Variants in CPNE4 observed in about 807,000 individuals in gnomAD.
CPNE4 encodes the protein copine 4, also known as copine-4.
CPNE4 carries 25 observed loss-of-function variants against 67.9 expected under a neutral mutation model. The observed-to-expected ratio is 0.37, with a 90% CI of 0.27 to 0.51. The LOEUF is 0.51. Among genes scored for constraint, CPNE4 ranks in the 20% least tolerant of loss-of-function variants. CPNE4 has a pLI of 0.93. For synonymous variants in CPNE4, 242 were observed against 244.9 expected (o/e 0.99, Z 0.11); for missense variants, 464 against 690.8 (o/e 0.67, Z 3.68).
At chr3:131,970,901 C>A (rs2072482559) in intron 1 of CPNE4, among the ~76,000 whole-genome samples, 1 of 152,200 alleles carries the variant, frequency 6.6e-6, no homozygotes, top group Non-Finnish European at 1.5e-5. Flanking sequence ...TGCTGCCTAA[C>A]AAACTGCCCC....
Position 131,906,482 on chromosome 3 carries a change from C to T in CPNE4, c.-1-1038G>A, listed in dbSNP as rs183038620. 1.8e-3 allele frequency among the ~76,000 whole-genome samples: 265 copies of T among 147,430 alleles called. 1 individual carries two copies. The highest frequency in any genetic ancestry group is 6.3e-3 in the African/African-American group (253 of 39,952). On this transcript the variant is annotated intron_variant, in intron 1 of 15. Coordinates refer to ENST00000429747, the MANE Select transcript of CPNE4 (RefSeq NM_130808.3). ...ATGTGTTCTCATTGTTCAGTTCCCA[C>T]CTGAGTGAGAACACGCGGTGTTTGG...
intron 1 of CPNE4, among the ~76,000 whole-genome samples, chr3:132,015,198 G>A (rs961391531): frequency 6.6e-6 from 1 of 151,612 alleles, no homozygotes; most frequent in South Asian, 2.1e-4. Flanking sequence ...CACATCTCTG[G>A]GCTTAGGTTT....
chr3:131,960,348 G>A (rs151083574), intron 1 of CPNE4, among the ~76,000 whole-genome samples: 72 of 152,172 alleles, frequency 4.7e-4, no homozygotes, highest in African/African-American at 1.5e-3. Context: ...AAAGAATATA[G>A]GCTATTACAG....
Position 131,651,896 on chromosome 3 carries a change from A to T in CPNE4, c.681+17779T>A, listed in dbSNP as rs116751212. 1.2e-3 allele frequency among the ~76,000 whole-genome samples: 190 copies of T among 152,228 alleles called. 2 individuals carry two copies. The highest frequency in any genetic ancestry group is 4.5e-3 in the African/African-American group (186 of 41,540). ...TCTCAGTTTTTTTCACTGGGATGAT[A>T]AAGTTGTTGGAATACCTTGAGGTCT... On this transcript the variant is annotated intron_variant, in intron 7 of 15. Transcript: ENST00000429747.
intron 1 of CPNE4, among the ~76,000 whole-genome samples, chr3:131,991,600 T>C (rs1369639482): frequency 1.5e-5 from 2 of 135,860 alleles, no homozygotes; most frequent in African/African-American, 2.5e-5. Flanking sequence ...GTTTGGAAGA[T>C]TTGCAACCTG....
At chr3:131,921,654 A>G (rs962410895) in intron 1 of CPNE4, among the ~76,000 whole-genome samples, 5 of 152,222 alleles carry the variant, frequency 3.3e-5, no homozygotes, top group Non-Finnish European at 7.3e-5. Context: ...CATCTGCAGA[A>G]TAGAACTAAT....
intron 1 of CPNE4, among the ~76,000 whole-genome samples, chr3:131,967,101 A>T (rs2072372243): frequency 6.6e-6 from 1 of 152,238 alleles, no homozygotes; most frequent in Non-Finnish European, 1.5e-5. Context: ...TCCATCACAT[A>T]AATAGAACCA....
At chr3:131,887,615 T>C (rs2087947440) in intron 2 of CPNE4, among the ~76,000 whole-genome samples, 1 of 152,236 alleles carries the variant, frequency 6.6e-6, no homozygotes, top group Non-Finnish European at 1.5e-5. Context: ...GACTTCACTT[T>C]GTATTTTCTT....
intron 2 of CPNE4, among the ~76,000 whole-genome samples, chr3:131,797,494 T>C (rs2083949485): frequency 6.6e-6 from 1 of 152,160 alleles, no homozygotes; most frequent in Non-Finnish European, 1.5e-5. Flanking sequence ...ACTTACATTG[T>C]ATTGCAAGCT....
At chr3:131,775,343 A>G (rs1194644920) in intron 2 of CPNE4, among the ~76,000 whole-genome samples, 1 of 152,132 alleles carries the variant, frequency 6.6e-6, no homozygotes, top group Non-Finnish European at 1.5e-5. Flanking sequence ...GTTCCAGGAA[A>G]TTAACATCTT....
At chr3:131,943,583 T>C (rs1275626102) in intron 1 of CPNE4, among the ~76,000 whole-genome samples, 1 of 152,078 alleles carries the variant, frequency 6.6e-6, no homozygotes, top group African/African-American at 2.4e-5. Context: ...TTCTCTCCAG[T>C]GCCACAGCCA....
upstream of CPNE4, among the ~76,000 whole-genome samples, chr3:132,038,815 C>G (rs1446915205): frequency 6.6e-6 from 1 of 152,036 alleles, no homozygotes; most frequent in Non-Finnish European, 1.5e-5. Context: ...GTTATCTGCC[C>G]AGCCTATATT....
intron 7 of CPNE4, among the ~76,000 whole-genome samples, chr3:131,596,621 C>CAAAA (rs58456346): frequency 0.016 from 536 of 32,894 alleles, 42 homozygotes; most frequent in African/African-American, 0.021. Context: ...GACTCCGTCT[C>CAAAA]AAAAAAAAAA....
Position 131,883,176 on chromosome 3 carries a change from A to T in CPNE4, c.180+22088T>A, listed in dbSNP as rs2369227. Among the ~76,000 whole-genome samples, 702 of 152,298 alleles carry T rather than the reference A, an allele frequency of 4.6e-3. 6 individuals are homozygous for T. The highest frequency in any genetic ancestry group is 0.017 in the African/African-American group (686 of 41,574). Reference sequence around the variant, plus strand: ...CAGTCTGTGACTGAAGTTACACTGTACCAGTACTCCATATTGTCTCTCAAC... The same window carrying T: ...CAGTCTGTGACTGAAGTTACACTGTTCCAGTACTCCATATTGTCTCTCAAC... On this transcript the variant is annotated intron_variant, in intron 2 of 15. Coordinates refer to ENST00000429747, the MANE Select transcript of CPNE4 (RefSeq NM_130808.3).
At chr3:131,675,661 A>G (rs1421824452) in intron 6 of CPNE4, among the ~76,000 whole-genome samples, 2 of 151,850 alleles carry the variant, frequency 1.3e-5, no homozygotes, top group African/African-American at 4.8e-5. Context: ...CATGGGATAC[A>G]TTTTTCCATC....
intron 1 of CPNE4, among the ~76,000 whole-genome samples, chr3:131,961,089 C>G (rs897067699): frequency 1.3e-5 from 2 of 152,238 alleles, no homozygotes; most frequent in African/African-American, 4.8e-5. Flanking sequence ...GGGGCAGAAC[C>G]AAGACTAAAA....
At chr3:131,844,623 G>A (rs7632654) in intron 2 of CPNE4, among the ~76,000 whole-genome samples, 32,940 of 152,010 alleles carry the variant, frequency 0.22, 3,861 homozygotes, top group Admixed American at 0.33. Context: ...ACCAGACTGT[G>A]AGCTCCTTGA....
At chr3:131,969,869 A>G (rs6786415) in intron 1 of CPNE4, among the ~76,000 whole-genome samples, 21,178 of 152,178 alleles carry the variant, frequency 0.14, 4,780 homozygotes, top group African/African-American at 0.48. Flanking sequence ...CTCCTCAATT[A>G]CCAGCTGTGT....
At chr3:131,857,612 C>T (rs79313625) in intron 2 of CPNE4, among the ~76,000 whole-genome samples, 3,063 of 152,136 alleles carry the variant, frequency 0.02, 93 homozygotes, top group African/African-American at 0.069. Flanking sequence ...TCAGATATGA[C>T]ATTCTACAGT....
Sources: gnomAD v4.1 joint callset for allele counts (sites outside exome capture counted in the v4.1 genomes callset) on GRCh38, gnomAD v4.1.1 for gene constraint, MANE v1.5 for transcripts, NCBI Gene and HGNC (gene_info 2026-07-23, HGNC 2026-07-21) for gene names.